The following NRXN3 variants were observed in gnomAD, a reference collection of about 807,000 sequenced individuals.
NRXN3 encodes neurexin 3, also known as neurexin III.
In NRXN3, 32 loss-of-function variants were observed where a neutral mutation model predicts 137.6. That is an observed-to-expected ratio of 0.23 (90% CI 0.18 to 0.31). NRXN3 has a LOEUF of 0.31. NRXN3 is among the 10% of genes least tolerant of loss of function. NRXN3 has a pLI of 1.00. For missense variants in NRXN3, 1,574 were observed against 2,062.5 expected (o/e 0.76, Z 4.59); for synonymous variants, 798 against 784.5 (o/e 1.02, Z -0.29).
At position 79,861,751 on chromosome 14, in the gene NRXN3, C is replaced by T. The variant is rs765589249; in HGVS notation, c.4503C>T (p.Gly1501=). ...GCAGCACAACAGGGATGGTCGTCGG[C>T]ATTGTGGCTGCTGCCGCCCTCTGCA... ...ESSSTTGMVV[G]IVAAAALCIL... is the part of the protein sequence containing the mutation. The change falls in exon 21 of 21, where the codon GGC becomes GGT. Residue 1501 remains glycine, a synonymous_variant. Transcript: ENST00000335750. This position sits in a 1 kb window ranked among gnomAD's most constrained non-coding sequence, Gnocchi z 5.4. The T allele has an allele frequency of 6.2e-7, 1 of 1,614,102 alleles. No individual in the cohort carries two copies. The highest frequency in any genetic ancestry group is 8.5e-7 in the Non-Finnish European group (1 of 1,180,030).
intron 19 of NRXN3, among the ~76,000 whole-genome samples, chr14:79,784,152 C>G (rs1234882437): frequency 1.3e-5 from 2 of 152,120 alleles, no homozygotes; most frequent in Non-Finnish European, 2.9e-5. Flanking sequence ...ATATCCCAGC[C>G]TTAGCTCTAA....
At chr14:79,543,966 G>T (rs1483872634) in intron 16 of NRXN3, among the ~76,000 whole-genome samples, 1 of 152,122 alleles carries the variant, frequency 6.6e-6, no homozygotes, top group African/African-American at 2.4e-5. Flanking sequence ...TTGAGCTAAT[G>T]GTGTTAACGT....
At chr14:79,629,606 A>G (rs1208666481) in intron 16 of NRXN3, among the ~76,000 whole-genome samples, 1 of 152,180 alleles carries the variant, frequency 6.6e-6, no homozygotes, top group Non-Finnish European at 1.5e-5. Context: ...GGGATTGTGA[A>G]ATCACAGATT....
intron 4 of NRXN3, among the ~76,000 whole-genome samples, chr14:78,345,831 C>G (rs979870028): frequency 6.6e-6 from 1 of 152,086 alleles, no homozygotes; most frequent in Non-Finnish European, 1.5e-5. Context: ...TTGACAATAC[C>G]GAGGGAAACT....
At chr14:79,306,280 C>T (rs965798515) in intron 15 of NRXN3, among the ~76,000 whole-genome samples, 8 of 152,076 alleles carry the variant, frequency 5.3e-5, no homozygotes, top group Admixed American at 2.0e-4. Flanking sequence ...CTGAAGACAA[C>T]GCACACATCC....
At chr14:78,323,318 G>A (rs1480488081) in intron 4 of NRXN3, among the ~76,000 whole-genome samples, 1 of 151,930 alleles carries the variant, frequency 6.6e-6, no homozygotes, top group Non-Finnish European at 1.5e-5. Flanking sequence ...AAAGAATGAA[G>A]AGAGACCTAA....
chr14:78,258,855 G>T (rs144612917), intron 2 of NRXN3, among the ~76,000 whole-genome samples: 2 of 152,080 alleles, frequency 1.3e-5, no homozygotes, highest in African/African-American at 4.8e-5. Context: ...ATTCCTGGCC[G>T]GGCGCGGTGG....
At chr14:78,927,174 C>T (rs1227202787) in intron 10 of NRXN3, among the ~76,000 whole-genome samples, 2 of 139,486 alleles carry the variant, frequency 1.4e-5, no homozygotes, top group African/African-American at 5.4e-5. Flanking sequence ...AAGTTTTTTT[C>T]AGAATTCCGA....
intron 15 of NRXN3, among the ~76,000 whole-genome samples, chr14:79,119,126 T>G (rs753497214): frequency 7.2e-5 from 11 of 152,220 alleles, no homozygotes; most frequent in Non-Finnish European, 1.3e-4. Context: ...CCAAATTTAG[T>G]ATGGGTGATT....
chr14:79,462,889 T>TGTATATGTATATGTACATACACATAC (rs2096369599), intron 15 of NRXN3, among the ~76,000 whole-genome samples: 1 of 21,882 alleles, frequency 4.6e-5, no homozygotes, highest in Non-Finnish European at 1.0e-4. Flanking sequence ...CATACACATA[T>TGTATATGTATATGTACATACACATAC]GTATGTATAT....
At chr14:78,321,897 A>G (rs74553534) in intron 4 of NRXN3, among the ~76,000 whole-genome samples, 3,587 of 152,042 alleles carry the variant, frequency 0.024, 195 homozygotes, top group African/African-American at 0.082. Context: ...ATAACCAGCA[A>G]TTACCTTCTG....
rs2098945493 is a variant in NRXN3, at chr14:78,819,839, T to TGG, written c.2275+9495_2275+9496insGG. 2.0e-5 allele frequency among the ~76,000 whole-genome samples: 3 copies of TGG among 152,202 alleles called. No individual in the cohort carries two copies. The East Asian group carries it at 5.8e-4, about 29-fold the overall frequency. ...GAAGCAGCCAACAAATTTATAATTA[T>TGG]ATAACTAGGGACTTTCCAATAGGAT... On this transcript the variant is annotated intron_variant, in intron 10 of 20. Transcript: ENST00000335750.
At chr14:79,010,863 GT>G (rs1301832301) in intron 15 of NRXN3, among the ~76,000 whole-genome samples, 1 of 152,122 alleles carries the variant, frequency 6.6e-6, no homozygotes, top group African/African-American at 2.4e-5. Flanking sequence ...TCACATCCAG[GT>G]TTGTCTGTTA....
chr14:79,426,451 A>T (rs548765246), intron 15 of NRXN3, among the ~76,000 whole-genome samples: 136 of 152,344 alleles, frequency 8.9e-4, no homozygotes, highest in Non-Finnish European at 1.5e-3. Context: ...GGGCCCAATC[A>T]TCAGGTCCAT....
intron 6 of NRXN3, among the ~76,000 whole-genome samples, chr14:78,679,163 A>AT (rs1377019014): frequency 1.3e-5 from 2 of 152,134 alleles, no homozygotes; most frequent in African/African-American, 2.4e-5. Flanking sequence ...AAATACATTC[A>AT]TTTTTTACCC....
At chr14:79,533,959 A>G (rs2097190743) in intron 16 of NRXN3, among the ~76,000 whole-genome samples, 1 of 152,232 alleles carries the variant, frequency 6.6e-6, no homozygotes, top group South Asian at 2.1e-4. Flanking sequence ...GATCTAATGC[A>G]CTTAATTTGC....
chr14:78,705,217 C>T (rs2152816456), intron 6 of NRXN3, among the ~76,000 whole-genome samples: 1 of 152,326 alleles, frequency 6.6e-6, no homozygotes, highest in East Asian at 1.9e-4. Context: ...CATTTGATGC[C>T]ACATCTCTTC....
At chr14:79,783,105 T>C (rs2099118981) in intron 19 of NRXN3, among the ~76,000 whole-genome samples, 3 of 152,222 alleles carry the variant, frequency 2.0e-5, no homozygotes, top group African/African-American at 7.2e-5. Context: ...TGTGATAGCA[T>C]AAATGTCCCG....
chr14:79,000,154 C>T (rs1222406729), intron 15 of NRXN3, among the ~76,000 whole-genome samples: 1 of 152,096 alleles, frequency 6.6e-6, no homozygotes, highest in Non-Finnish European at 1.5e-5. Flanking sequence ...GCATTATTTC[C>T]TGGTAAATTA....
Sources: gnomAD v4.1 joint callset for allele counts (sites outside exome capture counted in the v4.1 genomes callset) on GRCh38, gnomAD v4.1.1 for gene constraint, Gnocchi (gnomAD v3.1) non-coding constraint, MANE v1.5 for transcripts, NCBI Gene and HGNC (gene_info 2026-07-23, HGNC 2026-07-21) for gene names.